Variants in EVA1C observed in about 807,000 individuals in gnomAD.
EVA1C encodes the protein eva-1 homolog C, also known as protein eva-1 homolog C.
A neutral mutation model predicts 45.4 loss-of-function variants in EVA1C; 25 were observed. The ratio of observed to expected loss-of-function variants is 0.55; its 90% CI spans 0.40 to 0.77. The LOEUF is 0.77. Ranked by LOEUF, EVA1C falls within the 30% of genes least tolerant of loss-of-function variation. The pLI is 0.00. For missense variants in EVA1C, 479 were observed against 554.8 expected (o/e 0.86, Z 1.37); for synonymous variants, 190 against 221.2 (o/e 0.86, Z 1.25).
At chr21:32,492,278 TG>T (rs2037185559) in intron 4 of EVA1C, among the ~76,000 whole-genome samples, 1 of 151,800 alleles carries the variant, frequency 6.6e-6, no homozygotes, top group Non-Finnish European at 1.5e-5. Flanking sequence ...CCTCATCTCT[TG>T]GATGGGATGG....
intron 7 of EVA1C, among the ~76,000 whole-genome samples, chr21:32,513,551 C>CTTTTTTTTTTT (rs1165725714): frequency 2.8e-5 from 3 of 106,778 alleles, no homozygotes; most frequent in Non-Finnish European, 5.3e-5. Context: ...TTTTTCTTTT[C>CTTTTTTTTTTT]TTTTTTTTTT....
At chr21:32,491,487 G>A (rs971879515) in intron 4 of EVA1C, among the ~76,000 whole-genome samples, 1 of 151,754 alleles carries the variant, frequency 6.6e-6, no homozygotes, top group East Asian at 1.9e-4. Flanking sequence ...TCAGGAGTTC[G>A]AGACCAGCCT....
chr21:32,507,717 CAT>C (rs1491426471), intron 7 of EVA1C, among the ~76,000 whole-genome samples: 1 of 148,212 alleles, frequency 6.7e-6, no homozygotes, highest in African/African-American at 2.5e-5. Flanking sequence ...CGTGTGTGTG[CAT>C]GTGTGTGCAT....
intron 1 of EVA1C, chr21:32,428,584 A>G (rs1941318512): frequency 6.6e-6 from 1 of 152,220 alleles, no homozygotes; most frequent in Admixed American, 6.5e-5. Context: ...AACCTCGTGG[A>G]ACCTTCTGGA....
intron 3 of EVA1C, among the ~76,000 whole-genome samples, chr21:32,464,766 G>A (rs369579308): frequency 5.3e-4 from 81 of 152,144 alleles, no homozygotes; most frequent in Non-Finnish European, 2.5e-4. Context: ...AGGTTGCAGT[G>A]AGCCAAGATT....
chr21:32,493,771 T>G (rs758400715), intron 4 of EVA1C: 2 of 54,984 alleles, frequency 3.6e-5, no homozygotes, highest in Non-Finnish European at 6.6e-5. Flanking sequence ...AGGTAGGCTT[T>G]TTATTTATTT....
chr21:32,489,814 C>A (rs2037094701), intron 4 of EVA1C, among the ~76,000 whole-genome samples: 1 of 146,250 alleles, frequency 6.8e-6, no homozygotes. Flanking sequence ...AGATCTTTCA[C>A]CTCTTTGGTT....
rs116071721 is a variant in EVA1C at position 32,455,064 on chromosome 21, G to C, written c.357+1556G>C. On this transcript the variant is annotated intron_variant, in intron 2 of 7. Coordinates refer to ENST00000300255, the MANE Select transcript of EVA1C (RefSeq NM_058187.5). Reference sequence around the variant, plus strand: ...CTGCTATAACAGTGTACCTGAGCCTGGGTAATTCATAAGGACCTGAGATTG... The same window carrying C: ...CTGCTATAACAGTGTACCTGAGCCTCGGTAATTCATAAGGACCTGAGATTG... 9.4e-3 allele frequency among the ~76,000 whole-genome samples: 1,435 copies of C among 152,240 alleles called. 24 individuals carry two copies. The highest frequency in any genetic ancestry group is 0.033 in the African/African-American group (1,370 of 41,544).
At chr21:32,486,071 T>C (rs187391539) in intron 4 of EVA1C, among the ~76,000 whole-genome samples, 12 of 152,354 alleles carry the variant, frequency 7.9e-5, no homozygotes, top group African/African-American at 2.2e-4. Context: ...CCAATCGCCA[T>C]GAGCAGACAA....
At chr21:32,482,390 A>G (rs1275239500) in intron 4 of EVA1C, among the ~76,000 whole-genome samples, 2 of 152,312 alleles carry the variant, frequency 1.3e-5, no homozygotes, top group Non-Finnish European at 2.9e-5. Context: ...CAGTGAGTTT[A>G]TCAGATACCA....
intron 2 of EVA1C, among the ~76,000 whole-genome samples, chr21:32,457,084 TC>T (rs2035810157): frequency 6.6e-6 from 1 of 152,140 alleles, no homozygotes; most frequent in African/African-American, 2.4e-5. Context: ...TGTGGATGGT[TC>T]GTAAGCTGGA....
intron 4 of EVA1C, among the ~76,000 whole-genome samples, chr21:32,472,086 G>C (rs1231463547): frequency 6.6e-6 from 1 of 152,176 alleles, no homozygotes; most frequent in African/African-American, 2.4e-5. Flanking sequence ...AAGCCGAATG[G>C]TTTGTGTTCA....
At chr21:32,432,439 GC>G (rs1426363004) in intron 1 of EVA1C, among the ~76,000 whole-genome samples, 1 of 152,138 alleles carries the variant, frequency 6.6e-6, no homozygotes, top group Non-Finnish European at 1.5e-5. Context: ...GGAACCTGGA[GC>G]TTTGGCAAAG....
In EVA1C at chr21:32,430,091, G is replaced by A. The variant is rs537176210; in HGVS notation, c.160+17078G>A. ...CAGAGGGGGGCACCTGGGATCAGGC[G>A]TGGAGCTTGGGGCCTTGTTTAGCAC... On this transcript the variant is annotated intron_variant, in intron 1 of 7. Transcript: ENST00000300255. 2.4e-4 allele frequency among the ~76,000 whole-genome samples: 37 copies of A among 152,308 alleles called. No homozygotes were observed. In the South Asian group the frequency reaches 5.2e-3, roughly 21 times the overall value.
chr21:32,443,156 C>T (rs1349663521), intron 1 of EVA1C, among the ~76,000 whole-genome samples: 1 of 152,078 alleles, frequency 6.6e-6, no homozygotes, highest in East Asian at 1.9e-4. Flanking sequence ...GTGCTCAGAG[C>T]TGAGAGGGCT....
rs1454935730 is a variant in EVA1C, at chr21:32,515,009, C to A, written c.1145C>A (p.Ser382Tyr). Residue 382 changes from serine to tyrosine, a missense_variant, in exon 8 of 8, where the codon TCT becomes TAT. Ser to Tyr is a moderately radical substitution (Grantham distance 144). Coordinates refer to ENST00000300255, the MANE Select transcript of EVA1C (RefSeq NM_058187.5). ...GATGAAGAAGAGGAGGAGGACCCCT[C>A]TGAGTCTGATTTCCCAGGGGAACTG... Reference protein sequence around the residue: ...SEDEEEEEDPSESDFPGELSG... With the variant: ...SEDEEEEEDPYESDFPGELSG... 1 of 1,614,152 alleles carries A rather than the reference C, an allele frequency of 6.2e-7. No individual in the cohort carries two copies. The highest frequency in any genetic ancestry group is 1.1e-5 in the South Asian group (1 of 91,082).
At chr21:32,503,549 A>AAAAT (rs60401587) in intron 6 of EVA1C, among the ~76,000 whole-genome samples, 1,925 of 149,214 alleles carry the variant, frequency 0.013, 52 homozygotes, top group African/African-American at 0.046. Flanking sequence ...CTCCATCTCA[A>AAAAT]AAATAAATAA....
intron 5 of EVA1C, chr21:32,496,939 A>T: frequency 7.4e-7 from 1 of 1,358,384 alleles, no homozygotes; most frequent in Non-Finnish European, 1.1e-6. Context: ...AGGTGCAACT[A>T]AAAGAAACAG....
intron 3 of EVA1C, among the ~76,000 whole-genome samples, chr21:32,465,607 T>C (rs1305591210): frequency 6.6e-6 from 1 of 152,124 alleles, no homozygotes; most frequent in Non-Finnish European, 1.5e-5. Context: ...CCCTTTATAT[T>C]TTGCTGAGCA....
Sources: gnomAD v4.1 joint callset for allele counts (sites outside exome capture counted in the v4.1 genomes callset) on GRCh38, gnomAD v4.1.1 for gene constraint, MANE v1.5 for transcripts, NCBI Gene and HGNC (gene_info 2026-07-23, HGNC 2026-07-21) for gene names.